Variants in EFNA5 observed in about 807,000 individuals in gnomAD.
EFNA5 encodes ephrin-A5.
In EFNA5, 5 loss-of-function variants were observed where a neutral mutation model predicts 22.9. That is an observed-to-expected ratio of 0.22 (90% confidence interval 0.11 to 0.46). EFNA5 has a LOEUF of 0.46. Among genes scored for constraint, EFNA5 ranks in the 20% least tolerant of loss-of-function variants. The pLI is 0.99. For missense variants in EFNA5, 237 were observed against 293.3 expected (o/e 0.81, Z 1.40); for synonymous variants, 113 against 112.2 (o/e 1.01, Z -0.04).
At chr5:107,656,339 C>T (rs1344839014) in intron 1 of EFNA5, among the ~76,000 whole-genome samples, 2 of 152,148 alleles carry the variant, frequency 1.3e-5, no homozygotes, top group Non-Finnish European at 2.9e-5. Context: ...TCAGTCTTTA[C>T]ACATTATTAC....
At chr5:107,531,429 G>A (rs992372437) in intron 1 of EFNA5, among the ~76,000 whole-genome samples, 1 of 152,224 alleles carries the variant, frequency 6.6e-6, no homozygotes, top group Non-Finnish European at 1.5e-5. Flanking sequence ...CAGGACAGAT[G>A]AGGAATGCCT....
At chr5:107,471,186 A>G (rs1241684886) in intron 1 of EFNA5, among the ~76,000 whole-genome samples, 1 of 152,018 alleles carries the variant, frequency 6.6e-6, no homozygotes, top group Non-Finnish European at 1.5e-5. Flanking sequence ...CACTCCCCAT[A>G]TTTTGGTAGC....
intron 1 of EFNA5, among the ~76,000 whole-genome samples, chr5:107,631,367 T>C (rs911262976): frequency 1.3e-5 from 2 of 150,664 alleles, no homozygotes; most frequent in African/African-American, 5.0e-5. Flanking sequence ...TGTACATTTA[T>C]ACACATGTAC....
intron 2 of EFNA5, among the ~76,000 whole-genome samples, chr5:107,398,797 G>A (rs1747999930): frequency 6.7e-6 from 1 of 148,156 alleles, no homozygotes; most frequent in Non-Finnish European, 1.5e-5. Flanking sequence ...CAAAGCTGCA[G>A]TGAGCCGTGT....
intron 1 of EFNA5, among the ~76,000 whole-genome samples, chr5:107,633,417 C>G (rs757790354): frequency 1.1e-4 from 16 of 152,208 alleles, no homozygotes; most frequent in Non-Finnish European, 1.6e-4. Context: ...AAGCCCAGGC[C>G]CTTCTGAGGC....
chr5:107,617,374 T>C (rs1443245391), intron 1 of EFNA5, among the ~76,000 whole-genome samples: 6 of 152,118 alleles, frequency 3.9e-5, no homozygotes, highest in African/African-American at 1.4e-4. Flanking sequence ...ACCAACCAGA[T>C]GCTGGTCACT....
chr5:107,490,664 T>G (rs541497296), intron 1 of EFNA5, among the ~76,000 whole-genome samples: 8 of 152,296 alleles, frequency 5.3e-5, no homozygotes, highest in Middle Eastern at 3.4e-3. Flanking sequence ...GCAGGGAACA[T>G]TAACCGCTGA....
At chr5:107,645,091 C>T (rs1224198244) in intron 1 of EFNA5, among the ~76,000 whole-genome samples, 1 of 152,154 alleles carries the variant, frequency 6.6e-6, no homozygotes, top group Non-Finnish European at 1.5e-5. Context: ...TTTGCTGCAC[C>T]TATCAATCCA....
chr5:107,462,613 T>A (rs1293116438), intron 1 of EFNA5, among the ~76,000 whole-genome samples: 2 of 152,042 alleles, frequency 1.3e-5, no homozygotes, highest in South Asian at 2.1e-4. Flanking sequence ...ACCCTACCAA[T>A]CTCCCAGAGA....
intron 1 of EFNA5, among the ~76,000 whole-genome samples, chr5:107,533,985 C>G (rs1747876042): frequency 6.6e-6 from 1 of 152,126 alleles, no homozygotes; most frequent in African/African-American, 2.4e-5. Context: ...TCTGGATTTC[C>G]CCTGAGAACT....
chr5:107,551,499 C>T (rs1748296163), intron 1 of EFNA5, among the ~76,000 whole-genome samples: 2 of 152,080 alleles, frequency 1.3e-5, no homozygotes, highest in Admixed American at 1.3e-4. Context: ...TCTGTTATTG[C>T]CCACTGGTCA....
intron 1 of EFNA5, among the ~76,000 whole-genome samples, chr5:107,494,265 G>A (rs31718): frequency 2.6e-5 from 4 of 151,184 alleles, no homozygotes; most frequent in Non-Finnish European, 5.9e-5. Context: ...CGTGAGCTGC[G>A]GGCGGCTGCG....
chr5:107,553,497 C>T (rs1748343445), intron 1 of EFNA5, among the ~76,000 whole-genome samples: 1 of 152,182 alleles, frequency 6.6e-6, no homozygotes, highest in Admixed American at 6.5e-5. Context: ...TTTTATATCC[C>T]TAAAGGGGAG....
intron 1 of EFNA5, among the ~76,000 whole-genome samples, chr5:107,661,520 C>T (rs1284836803): frequency 2.0e-5 from 3 of 152,186 alleles, no homozygotes; most frequent in African/African-American, 7.2e-5. Context: ...CCATGCTGTG[C>T]AAGTCAGAGG....
Position 107,619,815 on chromosome 5 carries a change from A to C in EFNA5, c.125+50674T>G, listed in dbSNP as rs184039781. Among the ~76,000 whole-genome samples, 311 of 152,244 alleles carry C rather than the reference A, an allele frequency of 2.0e-3. 1 individual carries two copies. The highest frequency in any genetic ancestry group is 7.3e-3 in the African/African-American group (304 of 41,544). On this transcript the variant is annotated intron_variant, in intron 1 of 4. Coordinates refer to ENST00000333274, the MANE Select transcript of EFNA5 (RefSeq NM_001962.3). Reference sequence around the variant, plus strand: ...GTAGCATCACAATCCTTAGGCCCCCACACACAATCATATTCTACTAATTGT... The same window carrying C: ...GTAGCATCACAATCCTTAGGCCCCCCCACACAATCATATTCTACTAATTGT...
chr5:107,620,283 C>G (rs756632215), intron 1 of EFNA5, among the ~76,000 whole-genome samples: 4 of 152,244 alleles, frequency 2.6e-5, no homozygotes, highest in Non-Finnish European at 1.5e-5. Context: ...GTTTCATTTA[C>G]TTTCACCACC....
chr5:107,605,887 A>C (rs886765052), intron 1 of EFNA5, among the ~76,000 whole-genome samples: 1 of 152,138 alleles, frequency 6.6e-6, no homozygotes, highest in Non-Finnish European at 1.5e-5. Context: ...AAGTATTTCT[A>C]TTTCTCTTGG....
intron 1 of EFNA5, among the ~76,000 whole-genome samples, chr5:107,480,791 T>C (rs1332115739): frequency 1.3e-5 from 2 of 152,120 alleles, no homozygotes; most frequent in Non-Finnish European, 2.9e-5. Context: ...CCAAAGGCCT[T>C]GTACTGGGAG....
chr5:107,647,217 A>T (rs1015675569), intron 1 of EFNA5, among the ~76,000 whole-genome samples: 1 of 152,136 alleles, frequency 6.6e-6, no homozygotes, highest in East Asian at 1.9e-4. Flanking sequence ...TATCATATTC[A>T]ATTCTGGAAA....
Sources: allele counts gnomAD v4.1 joint callset (sites outside exome capture counted in the v4.1 genomes callset), GRCh38; gene constraint gnomAD v4.1.1; transcripts MANE v1.5; gene names NCBI Gene and HGNC (gene_info 2026-07-23, HGNC 2026-07-21).